XAF1: variants seen among roughly 807,000 people sequenced by gnomAD.
XAF1 encodes XIAP associated factor 1, also known as XIAP-associated factor 1.
In XAF1, 32 loss-of-function variants were observed where a neutral mutation model predicts 32.3. The ratio of observed to expected loss-of-function variants is 0.99; its 90% CI spans 0.75 to 1.33. The LOEUF (loss-of-function observed/expected upper bound fraction) is 1.33, where lower values mean the gene tolerates loss of function less well. Among genes scored for constraint, XAF1 ranks in the 40% most tolerant of loss-of-function variants. The probability of loss-of-function intolerance (pLI) is 0.00; values close to 1 mark genes in which losing one functional copy is unlikely to be tolerated. For synonymous variants in XAF1, 120 were observed against 125.9 expected, an observed-to-expected ratio of 0.95 and a Z score of 0.31; for missense variants, 379 against 366.0, an observed-to-expected ratio of 1.04 and a Z score of -0.29.
Position 6,758,210 on chromosome 17 carries a change from C to T in XAF1, c.154C>T (p.Leu52Phe). The T allele has an allele frequency of 6.2e-7, 1 of 1,614,202 alleles. No homozygotes were observed. Among genetic ancestry groups the T allele is most frequent in the South Asian group, 1.1e-5 (1 of 91,082 alleles). ...GGAAACCATGGAGGAGCACTGCAAG[C>T]TTGAGCACCAGCAGGTGAGGAGGCG... ...PKETMEEHCK[L>F]EHQQVGCTMC... The change falls in exon 2 of 7, where the codon CTT becomes TTT. Residue 52 changes from leucine (L) to phenylalanine (F), a missense_variant. Leu to Phe is a conservative substitution (Grantham distance 22). Transcript: ENST00000361842.
chr17:6,769,478 C>A (rs1339663395), intron 5 of XAF1, among the ~76,000 whole-genome samples: 4 of 152,092 alleles, frequency 2.6e-5, no homozygotes, highest in Non-Finnish European at 4.4e-5. Flanking sequence ...AGATGTTATT[C>A]TTTTCCCAGA....
chr17:6,756,391 A>G (rs1974657619), intron 1 of XAF1: 1 of 850,926 alleles, frequency 1.2e-6, no homozygotes, highest in Non-Finnish European at 1.7e-6. Context: ...AGTGGTCCCA[A>G]CTGGGCTACT....
chr17:6,770,203 G>A (rs925877333), intron 5 of XAF1, among the ~76,000 whole-genome samples: 12 of 152,236 alleles, frequency 7.9e-5, no homozygotes, highest in African/African-American at 2.9e-4. Flanking sequence ...GGAAGTTCAA[G>A]ATCAAGGCAC....
chr17:6,765,439 T>A (rs141782613), intron 5 of XAF1, among the ~76,000 whole-genome samples: 1,948 of 152,226 alleles, frequency 0.013, 53 homozygotes, highest in African/African-American at 0.044. Flanking sequence ...AATAAAAATT[T>A]AAAAATTTTT....
At chr17:6,755,683 A>G, upstream of XAF1, 1 of 1,051,530 alleles carries the variant, frequency 9.5e-7, no homozygotes, top group Non-Finnish European at 1.2e-6. Context: ...GGGGAGGACC[A>G]GAAGGGAGCC....
At position 6,758,191 on chromosome 17, in the gene XAF1, C is replaced by A. The variant is rs777544690; in HGVS notation, c.135C>A (p.Thr45=). 1 of 1,614,220 alleles carries A rather than the reference C, an allele frequency of 6.2e-7. No homozygotes were observed. ...GTGAGGAGCCTGTCCCCAAGGAAAC[C>A]ATGGAGGAGCACTGCAAGCTTGAGC... The part of the protein sequence containing the change: ...PECEEPVPKE[T]MEEHCKLEHQ... The change falls in exon 2 of 7, where the codon ACC becomes ACA. Residue 45 remains threonine, a synonymous_variant. Transcript: ENST00000361842.
intron 1 of XAF1, 46 bp downstream of exon 1, chr17:6,756,156 G>A: frequency 1.2e-6 from 2 of 1,613,758 alleles, no homozygotes; most frequent in Non-Finnish European, 1.7e-6. Flanking sequence ...TGGCGAGGGA[G>A]AGACGTAGAC....
chr17:6,762,213 T>A lies in XAF1; in HGVS notation c.480T>A (p.Ile160=), dbSNP rs1975267753. The A allele has an allele frequency of 6.2e-7, 1 of 1,613,248 alleles. No individual in the cohort carries two copies. The highest frequency in any genetic ancestry group is 1.7e-5 in the Admixed American group (1 of 59,940). ...ACTGTCATTATTGCAACCAAATGAT[T>A]CCAGAAAATAAGTATTTCCACCATA... ...EIYCHYCNQM[I]PENKYFHHMG... is the part of the protein sequence containing the mutation. Residue 160 remains isoleucine (I), a synonymous_variant, in exon 5 of 7, where the codon ATT becomes ATA. Coordinates refer to ENST00000361842, the MANE Select transcript of XAF1 (RefSeq NM_017523.5).
intron 4 of XAF1, 109 bp from the exon 5 acceptor site, chr17:6,762,045 CG>C: frequency 1.9e-6 from 3 of 1,571,148 alleles, no homozygotes; most frequent in Non-Finnish European, 1.7e-6. Context: ...CAGGCAGGTC[CG>C]GGGGGCAGTT....
chr17:6,759,918 T>C, intron 3 of XAF1, 200 bp downstream of exon 3: 1 of 864,850 alleles, frequency 1.2e-6, no homozygotes, highest in Non-Finnish European at 1.8e-6. Flanking sequence ...AGAAGGGTTT[T>C]CCATGGTCCA....
intron 1 of XAF1, 146 bp downstream of exon 1, chr17:6,756,256 G>T: frequency 6.9e-7 from 1 of 1,454,606 alleles, no homozygotes; most frequent in Non-Finnish European, 9.2e-7. Context: ...GGGCCCCAAG[G>T]GTAGGAGGGT....
intron 5 of XAF1, among the ~76,000 whole-genome samples, chr17:6,767,077 T>G (rs1975674821): frequency 6.6e-6 from 1 of 152,194 alleles, no homozygotes; most frequent in South Asian, 2.1e-4. Flanking sequence ...CTATTGACCA[T>G]CTTAATCTGT....
rs1975119241 is a variant in XAF1 at position 6,760,608 on chromosome 17, A to C, written c.421+7A>C. On this transcript the variant is annotated splice_region_variant and intron_variant, in intron 4 of 6. Transcript: ENST00000361842. ...CAGGCCCAGCTCGGGAAAGGTAAGC[A>C]CACAAACTGGGGTGGAAGAGAGACG... The C allele has an allele frequency of 1.9e-6, 3 of 1,602,196 alleles. No homozygotes were observed. Among genetic ancestry groups the C allele is most frequent in the Middle Eastern group, 2.2e-4 (1 of 4,602 alleles).
At chr17:6,768,718 C>T (rs1975802851) in intron 5 of XAF1, among the ~76,000 whole-genome samples, 1 of 152,192 alleles carries the variant, frequency 6.6e-6, no homozygotes. Flanking sequence ...TTCTTCCAGC[C>T]TAATTGCCAT....
rs1976196485 is a variant in XAF1, at chr17:6,773,309, A to G, written c.*140A>G. 1.5e-6 allele frequency: 1 copy of G among 685,038 alleles called. No individual in the cohort carries two copies. Among genetic ancestry groups the G allele is most frequent in the Non-Finnish European group, 2.3e-6 (1 of 435,636 alleles). 42.4% of individuals were successfully genotyped at this position (685,038 alleles called of 1,614,324 possible). A position where few individuals can be genotyped will look rare whatever the true frequency, so the allele number is the denominator to read the frequency against. ...TAAAAGAAAAGGTTTGGCAGAACTAAAAACAAAACTCACGTATCATCTCAA... is the reference window on the plus strand; with the variant it reads ...TAAAAGAAAAGGTTTGGCAGAACTAGAAACAAAACTCACGTATCATCTCAA... On this transcript the variant is annotated 3_prime_UTR_variant, in exon 7 of 7. Coordinates refer to ENST00000361842, the MANE Select transcript of XAF1 (RefSeq NM_017523.5).
At position 6,770,865 on chromosome 17, in the gene XAF1, A is replaced by T; in HGVS notation, c.730A>T (p.Met244Leu). 1 of 1,614,126 alleles carries T rather than the reference A, an allele frequency of 6.2e-7. No homozygotes were observed. The highest frequency in any genetic ancestry group is 8.5e-7 in the Non-Finnish European group (1 of 1,179,998). ...AAACAAAACCTTGGATCCACTTTTG[A>T]TGTCAGAGCCCAAGCCCAGGACCAG... ...SKNKTLDPLL[M>L]SEPKPRTSSP... The change falls in exon 6 of 7, where the codon ATG (methionine) becomes TTG (leucine). Residue 244 changes from methionine to leucine, a missense_variant. Met to Leu is a conservative substitution (Grantham distance 15). Coordinates refer to ENST00000361842, the MANE Select transcript of XAF1 (RefSeq NM_017523.5).
rs551558253 is a variant in XAF1 at position 6,775,196 on chromosome 17, G to A, written c.*2027G>A. Reference sequence around the variant, plus strand: ...AGAAACAGAAAACCAAATACCACATGTTCTCACTTATAAGTAGAAGCTAAA... The same window carrying A: ...AGAAACAGAAAACCAAATACCACATATTCTCACTTATAAGTAGAAGCTAAA... On this transcript the variant is annotated 3_prime_UTR_variant, in exon 7 of 7. Transcript: ENST00000361842. 2.0e-5 allele frequency: 3 copies of A among 152,304 alleles called. No homozygotes were observed. In the South Asian group the frequency reaches 6.2e-4, roughly 32 times the overall value. The allele number at this position is 152,304 out of a possible 1,614,324, so 9.4% of individuals were successfully genotyped here. A position where few individuals can be genotyped will look rare whatever the true frequency, so the allele number is the denominator to read the frequency against.
In XAF1 at chr17:6,774,361, C is replaced by T. The variant is rs1450662884; in HGVS notation, c.*1192C>T. The T allele has an allele frequency of 6.6e-6, 1 of 152,106 alleles. No homozygotes were observed. Among genetic ancestry groups the T allele is most frequent in the African/African-American group, 2.4e-5 (1 of 41,412 alleles). The allele number at this position is 152,106 out of a possible 1,614,324, so 9.4% of individuals were successfully genotyped here. A position where few individuals can be genotyped will look rare whatever the true frequency, so the allele number is the denominator to read the frequency against. On this transcript the variant is annotated 3_prime_UTR_variant, in exon 7 of 7. Coordinates refer to ENST00000361842, the MANE Select transcript of XAF1 (RefSeq NM_017523.5). The stretch of plus-strand genomic sequence containing the variant: ...AAGTGGTACTGGGATAACTAGCTAG[C>T]CATATGCAGAGGATTGAAACTGAAC...
At chr17:6,758,940 G>A (rs770434151) in intron 2 of XAF1, 1 of 232,734 alleles carries the variant, frequency 4.3e-6, no homozygotes, top group Middle Eastern at 4.7e-4. Context: ...TGGGGGACGA[G>A]GGTCCAGTCC....
Sources: gnomAD v4.1 joint callset for allele counts (sites outside exome capture counted in the v4.1 genomes callset) on GRCh38, gnomAD v4.1.1 for gene constraint, MANE v1.5 for transcripts, NCBI Gene and HGNC (gene_info 2026-07-23, HGNC 2026-07-21) for gene names.